Variants in RTN4 observed in about 807,000 individuals in gnomAD.
The protein encoded by RTN4 is reticulon 4, also known as reticulon-4.
RTN4 carries 32 observed loss-of-function variants against 90.4 expected under a neutral mutation model. The ratio of observed to expected loss-of-function variants is 0.35; its 90% CI spans 0.27 to 0.48. The LOEUF is 0.48. Ranked by LOEUF, RTN4 falls within the 20% of genes least tolerant of loss-of-function variation. The pLI, the probability that RTN4 is intolerant of heterozygous loss-of-function variation, is 0.99. For synonymous variants in RTN4, 629 were observed against 552.5 expected (o/e 1.14, Z -1.94); for missense variants, 1,706 against 1,430.2 (o/e 1.19, Z -3.11).
chr2:55,080,335 C>G (rs1393047162), intron 2 of RTN4, among the ~76,000 whole-genome samples: 1 of 152,028 alleles, frequency 6.6e-6, no homozygotes, highest in African/African-American at 2.4e-5. Flanking sequence ...TGATGAATCT[C>G]AAGAGAAACG....
At chr2:55,115,541 C>T (rs571222461), upstream of RTN4, among the ~76,000 whole-genome samples, 2 of 152,306 alleles carry the variant, frequency 1.3e-5, no homozygotes, top group African/African-American at 4.8e-5. Context: ...TTCTAGAAAT[C>T]TGAGAATAAA....
chr2:55,112,888 A>G (rs1281089764), upstream of RTN4, among the ~76,000 whole-genome samples: 2 of 152,234 alleles, frequency 1.3e-5, no homozygotes, highest in African/African-American at 4.8e-5. Flanking sequence ...TGGAGCAACC[A>G]AATAGCTAAA....
rs535466290 is a variant in RTN4 at position 55,104,363 on chromosome 2, T to C, written c.-214+8157A>G. Among the ~76,000 whole-genome samples the C allele has an allele frequency of 1.2e-4, 18 of 151,938 alleles. No individual in the cohort carries two copies. In the South Asian group the frequency reaches 3.7e-3, roughly 32 times the overall value. On this transcript the variant is annotated intron_variant, in intron 1 of 3. Coordinates refer to the RTN4 transcript ENST00000427710. ...TGAGCCACCATGCCTGGCTGTTTTTTAAATTTTTGAGACAAGTCTTGCTCT... is the reference window on the plus strand; with the variant it reads ...TGAGCCACCATGCCTGGCTGTTTTTCAAATTTTTGAGACAAGTCTTGCTCT...
chr2:55,036,424 A>C (rs1257330886), intron 1 of RTN4, among the ~76,000 whole-genome samples: 1 of 151,946 alleles, frequency 6.6e-6, no homozygotes, highest in African/African-American at 2.4e-5. Flanking sequence ...CAACATGGTA[A>C]GACCCTGTCT....
chr2:54,973,386 A>C (rs1677301626), intron 8 of RTN4, 177 bp downstream of exon 8: 3 of 760,982 alleles, frequency 3.9e-6, no homozygotes, highest in East Asian at 2.7e-5. Context: ...TTAAACACAT[A>C]ATAAACCCAG....
intron 2 of RTN4, among the ~76,000 whole-genome samples, chr2:55,067,963 C>T (rs1390890853): frequency 6.6e-6 from 1 of 152,180 alleles, no homozygotes; most frequent in East Asian, 1.9e-4. Flanking sequence ...TATTATTTTA[C>T]ATTTTTGCAA....
rs78179283 is a variant in RTN4, at chr2:55,094,937, T to C, written c.-213-14298A>G. The stretch of plus-strand genomic sequence containing the variant: ...ATTTTGAATACCAATGAAATAACCA[T>C]GGTTTCCGAGTGACCTCCTACTCCA... On this transcript the variant is annotated intron_variant, in intron 1 of 3. Transcript: ENST00000427710. 4.9e-3 allele frequency among the ~76,000 whole-genome samples: 739 copies of C among 152,266 alleles called. 3 individuals carry two copies. Among genetic ancestry groups the C allele is most frequent in the African/African-American group, 0.015 (627 of 41,540 alleles).
chr2:55,127,609 C>T, the RTN4 span, among the ~76,000 whole-genome samples: 3 of 152,200 alleles, frequency 2.0e-5, no homozygotes, highest in Non-Finnish European at 4.4e-5. Context: ...CCTCATAATA[C>T]CCCACACAAG....
chr2:55,109,445 T>C (rs998294834), intron 1 of RTN4, among the ~76,000 whole-genome samples: 2 of 152,124 alleles, frequency 1.3e-5, no homozygotes, highest in African/African-American at 4.8e-5. Flanking sequence ...TTCCACTCTA[T>C]AGAAAAACCA....
chr2:55,062,625 AATCAC>A (rs1416099079), intron 2 of RTN4, among the ~76,000 whole-genome samples: 1 of 152,226 alleles, frequency 6.6e-6, no homozygotes, highest in Non-Finnish European at 1.5e-5. Context: ...GTGTACTTCA[AATCAC>A]ATCACATCAG....
At chr2:54,991,200 T>A (rs1015092596) in intron 3 of RTN4, among the ~76,000 whole-genome samples, 1 of 152,206 alleles carries the variant, frequency 6.6e-6, no homozygotes, top group South Asian at 2.1e-4. Flanking sequence ...TAAATGCAGA[T>A]GTACTTGCTA....
At chr2:55,049,608 G>A (rs992457359) in intron 1 of RTN4, 137 bp downstream of exon 1, 36 of 1,409,844 alleles carry the variant, frequency 2.6e-5, no homozygotes, top group Non-Finnish European at 3.4e-5. Flanking sequence ...CAACCAGACG[G>A]GGCGCCATCG....
Position 55,026,196 on chromosome 2 carries a change from T to C in RTN4, c.1903A>G (p.Ser635Gly). Residue 635 changes from serine to glycine, a missense_variant, in exon 3 of 9, where the codon AGC (serine) becomes GGC (glycine). By Grantham distance (56) the Ser-to-Gly change is moderately conservative. Coordinates refer to ENST00000337526, the MANE Select transcript of RTN4 (RefSeq NM_020532.5). ...GAAGAAGCTTCTAATGGTGATGAGC[T>C]GGGCTGTATCACGGAAGCACCAGCA... is the stretch of plus-strand genomic sequence containing the variant. ...PSAGASVIQP[S>G]SSPLEASSVN... The C allele has an allele frequency of 6.2e-7, 1 of 1,613,748 alleles. No homozygotes were observed. The highest frequency in any genetic ancestry group is 1.7e-5 in the Admixed American group (1 of 59,876).
At chr2:55,042,776 C>G (rs1294573416) in intron 1 of RTN4, among the ~76,000 whole-genome samples, 1 of 152,140 alleles carries the variant, frequency 6.6e-6, no homozygotes, top group Non-Finnish European at 1.5e-5. Flanking sequence ...GAGTGCCTAT[C>G]ACATCTAAGG....
At chr2:55,136,125 G>C in the RTN4 span, among the ~76,000 whole-genome samples, 1 of 152,158 alleles carries the variant, frequency 6.6e-6, no homozygotes, top group Non-Finnish European at 1.5e-5. Flanking sequence ...ACCTAAAGCT[G>C]GTGATCAGCC....
At chr2:55,021,873 T>C (rs567209828) in intron 3 of RTN4, among the ~76,000 whole-genome samples, 2 of 152,274 alleles carry the variant, frequency 1.3e-5, no homozygotes, top group South Asian at 4.1e-4. Context: ...TCTAAATAAT[T>C]CTCTATTCCC....
At position 55,050,218 on chromosome 2, in the gene RTN4, A is replaced by T. The variant is rs776076762; in HGVS notation, c.83T>A (p.Val28Glu). The T allele has an allele frequency of 2.6e-6, 4 of 1,561,298 alleles. No individual in the cohort carries two copies. Among genetic ancestry groups the T allele is most frequent in the Non-Finnish European group, 3.5e-6 (4 of 1,156,620 alleles). ...RPQPAFKYQF[V>E]REPEDEEEEE... Reference sequence around the variant, plus strand: ...TTCCTCCTCGTCCTCGGGCTCCCTCACGAACTGGTACTTGAACGCGGGCTG... The same window carrying T: ...TTCCTCCTCGTCCTCGGGCTCCCTCTCGAACTGGTACTTGAACGCGGGCTG... The change falls in exon 1 of 9, where the codon GTG (valine) becomes GAG (glutamate). Residue 28 changes from valine to glutamate, a missense_variant. Transcript: ENST00000337526. The surrounding 1 kb of genome is among the most constrained non-coding windows in gnomAD (Gnocchi z 4.6).
In RTN4 at chr2:55,009,075, T is replaced by C. The variant is rs561055551; in HGVS notation, c.3013+16011A>G. ...ATCTTAAATTCACCTTTTCCCCACA[T>C]CTTTATTGAACAAATTTTTAAAAAG... On this transcript the variant is annotated intron_variant, in intron 3 of 8. Transcript: ENST00000337526. Among the ~76,000 whole-genome samples the C allele has an allele frequency of 3.5e-4, 54 of 152,262 alleles. No individual in the cohort carries two copies. The South Asian group carries it at 0.011, about 30-fold the overall frequency.
intron 3 of RTN4, among the ~76,000 whole-genome samples, chr2:54,999,228 G>A (rs999400251): frequency 3.3e-5 from 5 of 152,082 alleles, no homozygotes; most frequent in African/African-American, 9.7e-5. Context: ...AAATAACTCA[G>A]TACACTTAAA....
Sources: gnomAD v4.1 joint callset for allele counts (sites outside exome capture counted in the v4.1 genomes callset) on GRCh38, gnomAD v4.1.1 for gene constraint, Gnocchi (gnomAD v3.1) non-coding constraint, MANE v1.5 for transcripts, NCBI Gene and HGNC (gene_info 2026-07-23, HGNC 2026-07-21) for gene names.